The following TBC1D12 variants were observed in gnomAD, a reference collection of about 807,000 sequenced individuals.
The protein encoded by TBC1D12 is TBC1 domain family member 12, also known as TBC1 domain family, member 12.
Under a neutral mutation model 86.7 loss-of-function variants are expected in TBC1D12, and 56 were observed. The ratio of observed to expected loss-of-function variants is 0.65; its 90% CI spans 0.52 to 0.81. TBC1D12 has a LOEUF of 0.81. TBC1D12 is among the 30% of genes least tolerant of loss of function. The pLI, the probability that TBC1D12 is intolerant of heterozygous loss-of-function variation, is 0.00. For missense variants in TBC1D12, 1,023 were observed against 1,038.8 expected (o/e 0.98, Z 0.21); for synonymous variants, 421 against 411.7 (o/e 1.02, Z -0.27).
chr10:94,525,659 CAAAA>C (rs11432778), intron 11 of TBC1D12, among the ~76,000 whole-genome samples: 3 of 61,292 alleles, frequency 4.9e-5, no homozygotes, highest in South Asian at 6.0e-4. Context: ...GACTCCGTCT[CAAAA>C]AAAAAAAAAA....
At chr10:94,491,894 G>A (rs2056250259) in intron 3 of TBC1D12, among the ~76,000 whole-genome samples, 1 of 108,924 alleles carries the variant, frequency 9.2e-6, no homozygotes, top group Non-Finnish European at 2.2e-5. Context: ...AAGCAAAAAG[G>A]TGAAAGTTCT....
In TBC1D12 at chr10:94,518,245, G is replaced by A. The variant is rs1206327027; in HGVS notation, c.1762-3710G>A. ...TTCTTTTTTTTTGAAATAGAGTCTCGCTCTGTCACCCAGGCTGGAGTGCAG... is the reference window on the plus strand; with the variant it reads ...TTCTTTTTTTTTGAAATAGAGTCTCACTCTGTCACCCAGGCTGGAGTGCAG... On this transcript the variant is annotated intron_variant, in intron 9 of 12. Coordinates refer to ENST00000225235, the MANE Select transcript of TBC1D12 (RefSeq NM_015188.2). Among the ~76,000 whole-genome samples, 5 of 150,416 alleles carry A rather than the reference G, an allele frequency of 3.3e-5. No homozygotes were observed. In the East Asian group the frequency reaches 9.8e-4, roughly 29 times the overall value.
chr10:94,447,263 T>TA (rs1421630885), intron 2 of TBC1D12, among the ~76,000 whole-genome samples: 1 of 152,036 alleles, frequency 6.6e-6, no homozygotes, highest in East Asian at 1.9e-4. Context: ...TATGTGGAAT[T>TA]ATATGTTTTT....
intron 1 of TBC1D12, among the ~76,000 whole-genome samples, chr10:94,432,521 A>G (rs1177400660): frequency 6.6e-6 from 1 of 152,222 alleles, no homozygotes; most frequent in African/African-American, 2.4e-5. Context: ...CTGAAAACCC[A>G]ATCCAAAATT....
intron 1 of TBC1D12, among the ~76,000 whole-genome samples, chr10:94,427,833 CAAAAAAAAAAAAAA>C (rs71031576): frequency 1.5e-5 from 1 of 67,048 alleles, no homozygotes; most frequent in Non-Finnish European, 2.6e-5. Context: ...CCCTGTCTCA[CAAAAAAAAAAAAAA>C]AAAAAAAAAA....
intron 3 of TBC1D12, among the ~76,000 whole-genome samples, chr10:94,484,739 T>C (rs1394185455): frequency 6.6e-6 from 1 of 152,186 alleles, no homozygotes; most frequent in Non-Finnish European, 1.5e-5. Flanking sequence ...ACATGGAATA[T>C]TTTTCCATTT....
At chr10:94,512,520 T>C (rs1404037077) in intron 9 of TBC1D12, among the ~76,000 whole-genome samples, 1 of 152,242 alleles carries the variant, frequency 6.6e-6, no homozygotes, top group Non-Finnish European at 1.5e-5. Flanking sequence ...TGTGCTCTTA[T>C]GACTATATGT....
At chr10:94,457,125 A>C (rs1589628942) in intron 2 of TBC1D12, among the ~76,000 whole-genome samples, 1 of 152,196 alleles carries the variant, frequency 6.6e-6, no homozygotes, top group Admixed American at 6.5e-5. Flanking sequence ...TCCAGGATAC[A>C]TGTGCTGACC....
chr10:94,488,515 C>T (rs776714867), intron 3 of TBC1D12, among the ~76,000 whole-genome samples: 1 of 149,458 alleles, frequency 6.7e-6, no homozygotes, highest in Non-Finnish European at 1.5e-5. Context: ...CTCAGCCTCC[C>T]GAGTAGCTGG....
chr10:94,469,857 T>C (rs73327462), intron 2 of TBC1D12, among the ~76,000 whole-genome samples: 3,450 of 152,262 alleles, frequency 0.023, 129 homozygotes, highest in African/African-American at 0.076. Context: ...GGGTCCCCCT[T>C]CCTGCCCTGA....
intron 2 of TBC1D12, among the ~76,000 whole-genome samples, chr10:94,447,315 G>T (rs983984104): frequency 6.6e-6 from 1 of 151,172 alleles, no homozygotes. Flanking sequence ...TAATTATATA[G>T]ATGTGTATAT....
rs55999894 is a variant in TBC1D12 at position 94,465,809 on chromosome 10, C to T, written c.1096-8859C>T. ...ATACATATACGCATACATACATATA[C>T]GCATACATACACATATACGTATACG... On this transcript the variant is annotated intron_variant, in intron 2 of 12. Transcript: ENST00000225235. Among the ~76,000 whole-genome samples the T allele has an allele frequency of 8.0e-4, 105 of 131,846 alleles. 1 individual carries two copies. Among genetic ancestry groups the T allele is most frequent in the Non-Finnish European group, 9.2e-4 (56 of 60,596 alleles). The allele number at this position is 131,846 out of a possible 152,430, so 86.5% of individuals were successfully genotyped here.
chr10:94,518,614 A>G (rs1388152281), intron 9 of TBC1D12, among the ~76,000 whole-genome samples: 3 of 152,216 alleles, frequency 2.0e-5, no homozygotes, highest in African/African-American at 7.2e-5. Flanking sequence ...TAAACAATGT[A>G]TCTTTTTTAG....
intron 1 of TBC1D12, among the ~76,000 whole-genome samples, chr10:94,414,977 G>T (rs913387649): frequency 6.6e-6 from 1 of 152,128 alleles, no homozygotes; most frequent in Non-Finnish European, 1.5e-5. Context: ...GTACTAAAAT[G>T]TACATTTATC....
At chr10:94,465,901 C>CATATATACATATATACGTATATATGCGT (rs2134131038) in intron 2 of TBC1D12, among the ~76,000 whole-genome samples, 2 of 149,630 alleles carry the variant, frequency 1.3e-5, no homozygotes, top group East Asian at 4.0e-4. Flanking sequence ...CATACATACG[C>CATATATACATATATACGTATATATGCGT]ATATATACAT....
At chr10:94,443,119 C>G (rs1179746977) in intron 2 of TBC1D12, among the ~76,000 whole-genome samples, 1 of 152,122 alleles carries the variant, frequency 6.6e-6, no homozygotes, top group Non-Finnish European at 1.5e-5. Context: ...GATGTTCACC[C>G]CCATAGAATG....
intron 1 of TBC1D12, among the ~76,000 whole-genome samples, chr10:94,429,546 ACTT>A (rs890015175): frequency 1.3e-5 from 2 of 152,162 alleles, no homozygotes; most frequent in African/African-American, 4.8e-5. Flanking sequence ...CAGTAGTTAT[ACTT>A]CTTTGAATTA....
chr10:94,484,428 CG>C, intron 3 of TBC1D12, among the ~76,000 whole-genome samples: 1 of 151,882 alleles, frequency 6.6e-6, no homozygotes, highest in South Asian at 2.1e-4. Flanking sequence ...TTAGTAGAGA[CG>C]GGGTTTCTCC....
intron 1 of TBC1D12, among the ~76,000 whole-genome samples, chr10:94,412,032 G>A (rs983669333): frequency 5.3e-5 from 8 of 152,206 alleles, no homozygotes; most frequent in African/African-American, 1.4e-4. Flanking sequence ...ATCCTAGGTG[G>A]CATCTTCAAA....
Sources: allele counts gnomAD v4.1 joint callset (sites outside exome capture counted in the v4.1 genomes callset), GRCh38; gene constraint gnomAD v4.1.1; transcripts MANE v1.5; gene names NCBI Gene and HGNC (gene_info 2026-07-23, HGNC 2026-07-21).